EPG5: variants seen among roughly 807,000 people sequenced by gnomAD.
EPG5 encodes ectopic P-granules 5 autophagy tethering factor.
Under a neutral mutation model 302.7 loss-of-function variants are expected in EPG5, and 159 were observed. The ratio of observed to expected loss-of-function variants is 0.53; its 90% CI spans 0.46 to 0.60. The LOEUF is 0.60. Ranked by LOEUF, EPG5 falls within the 20% of genes least tolerant of loss-of-function variation. EPG5 has a pLI of 0.00. For missense variants in EPG5, 2,896 were observed against 3,092.4 expected (o/e 0.94, Z 1.51); for synonymous variants, 1,158 against 1,136.8 (o/e 1.02, Z -0.37).
Position 45,916,022 on chromosome 18 carries a change from T to C in EPG5, c.3569A>G (p.Tyr1190Cys). ...CAGGTTAATTACCTTATGTTGTTGG[T>C]AGAGTAATTTCTGTATGCAGTCTTC... ...MQEDCIQKLL[Y>C]QQHKNALGYH... Residue 1190 changes from tyrosine to cysteine, a missense_variant, in exon 19 of 44, where the codon TAC becomes TGC. Tyr to Cys is a radical substitution (Grantham distance 194, BLOSUM62 -2). Coordinates refer to ENST00000282041, the MANE Select transcript of EPG5 (RefSeq NM_020964.3). 6.2e-7 allele frequency: 1 copy of C among 1,611,978 alleles called. No homozygotes were observed.
At chr18:45,894,074 GAACT>G (rs1268785891) in intron 27 of EPG5, among the ~76,000 whole-genome samples, 1 of 152,118 alleles carries the variant, frequency 6.6e-6, no homozygotes, top group Admixed American at 6.5e-5. Context: ...TAACAGCATA[GAACT>G]AATCATAACA....
At chr18:45,924,544 C>T (rs2050229556) in intron 14 of EPG5, among the ~76,000 whole-genome samples, 1 of 152,192 alleles carries the variant, frequency 6.6e-6, no homozygotes, top group Non-Finnish European at 1.5e-5. Context: ...GAGTTTGCCA[C>T]CATTTTCCCT....
intron 12 of EPG5, 64 bp from the exon 13 acceptor site, chr18:45,929,073 T>C (rs1375383290): frequency 6.7e-7 from 1 of 1,487,914 alleles, no homozygotes; most frequent in African/African-American, 1.4e-5. Flanking sequence ...AAAACACACT[T>C]ATATCATTTT....
At chr18:45,961,773 G>C (rs1207498472) in intron 1 of EPG5, among the ~76,000 whole-genome samples, 1 of 151,274 alleles carries the variant, frequency 6.6e-6, no homozygotes, top group Non-Finnish European at 1.5e-5. Context: ...CAGGAGAATT[G>C]CTTGAACCTG....
chr18:45,946,780 G>T lies in EPG5; in HGVS notation c.1572-12C>A, dbSNP rs1183510332. ...ACTCAGCTCGATTTCTAAAGGACAA[G>T]AATAATCACTCCCATCACTTAGATG... On this transcript the variant is annotated splice_polypyrimidine_tract_variant and intron_variant, in intron 6 of 43. Transcript: ENST00000282041. 1 of 1,609,484 alleles carries T rather than the reference G, an allele frequency of 6.2e-7. No homozygotes were observed. Among genetic ancestry groups the T allele is most frequent in the East Asian group, 2.2e-5 (1 of 44,852 alleles).
chr18:45,815,449 T>C, the EPG5 span, among the ~76,000 whole-genome samples: 14 of 151,468 alleles, frequency 9.2e-5, no homozygotes, highest in South Asian at 6.3e-4. Flanking sequence ...AGTTTCCAGA[T>C]ACAAAATTAA....
chr18:45,880,865 C>T (rs1322323374), intron 31 of EPG5, among the ~76,000 whole-genome samples: 2 of 152,144 alleles, frequency 1.3e-5, no homozygotes, highest in Non-Finnish European at 2.9e-5. Context: ...CTGAGGAGAA[C>T]GATGGTGAGG....
At chr18:45,845,065 T>C (rs1170884564), downstream of EPG5, among the ~76,000 whole-genome samples, 1 of 152,240 alleles carries the variant, frequency 6.6e-6, no homozygotes, top group Non-Finnish European at 1.5e-5. Flanking sequence ...GTTTGTTGTT[T>C]CTAAGCAGGA....
chr18:45,907,963 G>C lies in EPG5; in HGVS notation c.4324C>G (p.Gln1442Glu), dbSNP rs745728397. ...AAGGAGGGCTATAATTTCACCTGCT[G>C]ATTCTGCATCACTTTTGCTAGCCTG... The part of the protein sequence containing the change: ...IHRLAKVMQN[Q>E]QDLWMEYLNM... Residue 1442 changes from glutamine to glutamate, a missense_variant, in exon 24 of 44, where the codon CAG becomes GAG. Around this residue, in one of 5 missense-constraint regions of EPG5, gnomAD observed 790 missense variants for 798.0 expected, o/e 0.99. Transcript: ENST00000282041. The C allele has an allele frequency of 6.4e-7, 1 of 1,552,016 alleles. No individual in the cohort carries two copies. The highest frequency in any genetic ancestry group is 1.2e-5 in the South Asian group (1 of 81,294).
the EPG5 span, chr18:45,825,562 C>T: frequency 1.5e-6 from 1 of 647,958 alleles, no homozygotes; most frequent in Non-Finnish European, 2.7e-6. Flanking sequence ...GGCTGCCAGG[C>T]TTCCTGTCCC....
chr18:45,933,798 A>T (rs573299474), intron 11 of EPG5, among the ~76,000 whole-genome samples: 12 of 152,312 alleles, frequency 7.9e-5, no homozygotes, highest in African/African-American at 2.6e-4. Flanking sequence ...ACATTTAAAA[A>T]TTTGGAAAAC....
chr18:45,820,401 C>T, the EPG5 span, among the ~76,000 whole-genome samples: 1 of 152,206 alleles, frequency 6.6e-6, no homozygotes, highest in Non-Finnish European at 1.5e-5. Flanking sequence ...ACCTCCCTGG[C>T]TTCCTAACCA....
chr18:45,861,161 A>ATTCATCTAC (rs540569812), intron 39 of EPG5, among the ~76,000 whole-genome samples: 25 of 152,362 alleles, frequency 1.6e-4, no homozygotes, highest in African/African-American at 6.0e-4. Flanking sequence ...ATCAAAACAA[A>ATTCATCTAC]TTCATCTACT....
At chr18:45,934,701 T>C in intron 11 of EPG5, 108 bp downstream of exon 11, 4 of 1,243,498 alleles carry the variant, frequency 3.2e-6, no homozygotes, top group South Asian at 3.1e-5. Flanking sequence ...CATGAGTATG[T>C]AGAGTAAAAC....
At chr18:45,842,138 T>A in the EPG5 span, 35 of 1,614,196 alleles carry the variant, frequency 2.2e-5, no homozygotes, top group South Asian at 3.7e-4. Flanking sequence ...TATGAAAATT[T>A]GAGCCAGATG....
intron 9 of EPG5, among the ~76,000 whole-genome samples, chr18:45,940,384 G>A (rs557507785): frequency 1.3e-5 from 2 of 152,320 alleles, no homozygotes; most frequent in South Asian, 4.1e-4. Context: ...GTCCTGGGCA[G>A]ACAGTGAATG....
At chr18:45,940,326 T>A (rs2050634854) in intron 9 of EPG5, among the ~76,000 whole-genome samples, 1 of 152,224 alleles carries the variant, frequency 6.6e-6, no homozygotes, top group South Asian at 2.1e-4. Context: ...TGCAGGCCAC[T>A]GTGAGGACGT....
At chr18:45,961,821 GCAC>G (rs2051154533) in intron 1 of EPG5, among the ~76,000 whole-genome samples, 2 of 147,156 alleles carry the variant, frequency 1.4e-5, no homozygotes, top group Non-Finnish European at 3.0e-5. Context: ...TCGCGCCACT[GCAC>G]TCCAGCCTGG....
At chr18:45,899,310 G>T in intron 27 of EPG5, 94 bp downstream of exon 27, 1 of 1,399,644 alleles carries the variant, frequency 7.1e-7, no homozygotes. Context: ...CACAGACAGT[G>T]TGCTATATAT....
Sources: allele counts gnomAD v4.1 joint callset (sites outside exome capture counted in the v4.1 genomes callset), GRCh38; gene constraint gnomAD v4.1.1; regional missense constraint gnomAD v4.1.1; transcripts MANE v1.5; gene names NCBI Gene and HGNC (gene_info 2026-07-23, HGNC 2026-07-21).